Variants in N4BP1 observed in about 807,000 individuals in gnomAD.
N4BP1 encodes the protein NEDD4-binding protein 1.
Under a neutral mutation model 70.9 loss-of-function variants are expected in N4BP1, and 21 were observed. The ratio of observed to expected loss-of-function variants is 0.30; its 90% CI spans 0.21 to 0.43. The LOEUF is 0.43. N4BP1 is among the 20% of genes least tolerant of loss of function. The pLI is 1.00. For synonymous variants in N4BP1, 387 were observed against 394.6 expected, an observed-to-expected ratio of 0.98 and a Z score of 0.23; for missense variants, 936 against 1,069.4, an observed-to-expected ratio of 0.88 and a Z score of 1.74.
chr16:48,590,532 C>A (rs879796415), intron 1 of N4BP1, among the ~76,000 whole-genome samples: 5 of 152,172 alleles, frequency 3.3e-5, no homozygotes, highest in Non-Finnish European at 5.9e-5. Context: ...TGGCTACCTG[C>A]CTGTGGTTTG....
chr16:48,573,203 TG>T (rs1275601056), intron 1 of N4BP1, among the ~76,000 whole-genome samples: 1 of 152,026 alleles, frequency 6.6e-6, no homozygotes, highest in Non-Finnish European at 1.5e-5. Flanking sequence ...GGCGCTGCAC[TG>T]GGTAACTAAA....
Position 48,543,177 on chromosome 16 carries a change from G to A in N4BP1, c.2418C>T (p.Ser806=), listed in dbSNP as rs765277203. 7.5e-6 allele frequency: 12 copies of A among 1,596,648 alleles called. No individual in the cohort carries two copies. The East Asian group carries it at 2.7e-4, about 36-fold the overall frequency. The change falls in exon 7 of 7, where the codon AGC becomes AGT. Residue 806 remains serine (S), a synonymous_variant. Transcript: ENST00000262384. The part of the protein sequence containing the change: ...SFRVPGTQAA[S]TSHQPPTRIQ... The stretch of plus-strand genomic sequence containing the variant: ...TCCGGGTCGGAGGCTGGTGGCTGGT[G>A]CTGGCTGCCTGGGTGCCAGGGACTC...
chr16:48,565,127 C>A (rs1202353192), intron 1 of N4BP1, among the ~76,000 whole-genome samples: 1 of 152,246 alleles, frequency 6.6e-6, no homozygotes, highest in South Asian at 2.1e-4. Context: ...ACAAATATTT[C>A]TTCTTTTCTG....
chr16:48,565,980 T>C (rs116469972), intron 1 of N4BP1, among the ~76,000 whole-genome samples: 2,063 of 152,268 alleles, frequency 0.014, 42 homozygotes, highest in African/African-American at 0.047. Flanking sequence ...ATTCCTGATA[T>C]TAGTAGTTTG....
intron 1 of N4BP1, among the ~76,000 whole-genome samples, chr16:48,599,871 GACCATAAGGGTACAGTTTGTA>G (rs1964470898): frequency 6.6e-6 from 1 of 152,070 alleles, no homozygotes; most frequent in Non-Finnish European, 1.5e-5. Context: ...GTCATTTTGT[GACCATAAGGGTACAGTTTGTA>G]ATCATTACTC....
intron 1 of N4BP1, among the ~76,000 whole-genome samples, chr16:48,594,999 A>G (rs1964389825): frequency 6.6e-6 from 1 of 152,194 alleles, no homozygotes; most frequent in African/African-American, 2.4e-5. Flanking sequence ...CAAGTTTCTA[A>G]TAACACTGGA....
At chr16:48,580,505 A>G (rs1964160744) in intron 1 of N4BP1, among the ~76,000 whole-genome samples, 1 of 152,200 alleles carries the variant, frequency 6.6e-6, no homozygotes, top group Non-Finnish European at 1.5e-5. Flanking sequence ...AAACATTTAA[A>G]GAAGAACTAA....
chr16:48,591,781 GAA>G (rs74525646), intron 1 of N4BP1, among the ~76,000 whole-genome samples: 1 of 136,666 alleles, frequency 7.3e-6, no homozygotes. Context: ...TTCCACTTTG[GAA>G]AAAAAAAAAA....
chr16:48,582,914 T>C (rs1964194584), intron 1 of N4BP1, among the ~76,000 whole-genome samples: 1 of 152,090 alleles, frequency 6.6e-6, no homozygotes, highest in Non-Finnish European at 1.5e-5. Context: ...GGAGACCTCA[T>C]CTCTATAACC....
chr16:48,577,414 A>C (rs1245776520), intron 1 of N4BP1: 1 of 152,730 alleles, frequency 6.5e-6, no homozygotes, highest in Non-Finnish European at 1.5e-5. Context: ...TAGACTCTTC[A>C]AGCTGCAATC....
intron 1 of N4BP1, among the ~76,000 whole-genome samples, chr16:48,585,421 G>C (rs1964230667): frequency 6.6e-6 from 1 of 151,588 alleles, no homozygotes; most frequent in African/African-American, 2.4e-5. Flanking sequence ...AGGATTGCTT[G>C]AGCCCAGGAG....
chr16:48,563,138 AT>A (rs199722930), intron 1 of N4BP1, among the ~76,000 whole-genome samples: 1 of 152,130 alleles, frequency 6.6e-6, no homozygotes, highest in African/African-American at 2.4e-5. Context: ...GAAATAAAAA[AT>A]TTAAAAAAAA....
chr16:48,568,437 G>A (rs1963971820), intron 1 of N4BP1, among the ~76,000 whole-genome samples: 2 of 152,234 alleles, frequency 1.3e-5, no homozygotes, highest in South Asian at 4.1e-4. Flanking sequence ...GAAATCAAGA[G>A]GAGAAAGTAA....
intron 1 of N4BP1, among the ~76,000 whole-genome samples, chr16:48,564,359 G>T (rs1173158799): frequency 3.9e-5 from 6 of 152,114 alleles, no homozygotes; most frequent in African/African-American, 1.2e-4. Context: ...AGGTGTGAGG[G>T]TTAGCTTGAG....
intron 1 of N4BP1, among the ~76,000 whole-genome samples, chr16:48,607,403 T>C (rs763199954): frequency 4.6e-5 from 7 of 152,024 alleles, no homozygotes; most frequent in Non-Finnish European, 1.0e-4. Flanking sequence ...AACCAGAACA[T>C]TGGAAAAATA....
chr16:48,582,412 C>T (rs1381764943), intron 1 of N4BP1, among the ~76,000 whole-genome samples: 31 of 152,140 alleles, frequency 2.0e-4, no homozygotes, highest in Admixed American at 2.0e-3. Context: ...CCTTGGTTAT[C>T]AGATCGACTG....
At chr16:48,590,286 C>T (rs1363672775) in intron 1 of N4BP1, among the ~76,000 whole-genome samples, 1 of 152,124 alleles carries the variant, frequency 6.6e-6, no homozygotes, top group Non-Finnish European at 1.5e-5. Flanking sequence ...AATCAGCACT[C>T]CCCACTTCCC....
chr16:48,577,952 G>T, intron 1 of N4BP1: 1 of 155,494 alleles, frequency 6.4e-6, no homozygotes, highest in South Asian at 1.7e-4. Context: ...ATGGCCCCTC[G>T]GACGGCATCT....
chr16:48,554,719 C>A (rs894420517), intron 2 of N4BP1, among the ~76,000 whole-genome samples: 1 of 152,230 alleles, frequency 6.6e-6, no homozygotes, highest in Non-Finnish European at 1.5e-5. Flanking sequence ...ATGCTGCATG[C>A]CAAAACTGCT....
Sources: allele counts gnomAD v4.1 joint callset (sites outside exome capture counted in the v4.1 genomes callset), GRCh38; gene constraint gnomAD v4.1.1; transcripts MANE v1.5; gene names NCBI Gene and HGNC (gene_info 2026-07-23, HGNC 2026-07-21).